The following PTTG1IP variants were observed in gnomAD, a reference collection of about 807,000 sequenced individuals.
The protein encoded by PTTG1IP is pituitary tumor-transforming gene 1 protein-interacting protein.
In PTTG1IP, 16 loss-of-function variants were observed where a neutral mutation model predicts 24.4. The ratio of observed to expected loss-of-function variants is 0.66; its 90% confidence interval spans 0.44 to 1.00. The LOEUF (loss-of-function observed/expected upper bound fraction) is 1.00, where lower values mean the gene tolerates loss of function less well. Among genes scored for constraint, PTTG1IP ranks in the 50% least tolerant of loss-of-function variants. PTTG1IP has a pLI of 0.00. For missense variants in PTTG1IP, 241 were observed against 245.8 expected (o/e 0.98, Z 0.13); for synonymous variants, 89 against 96.8 (o/e 0.92, Z 0.47).
chr21:44,854,960 G>A (rs369550415), intron 5 of PTTG1IP, among the ~76,000 whole-genome samples: 4 of 152,226 alleles, frequency 2.6e-5, no homozygotes, highest in Admixed American at 2.6e-4. Context: ...CTTGGGACTC[G>A]ATAAGCAAAC....
intron 5 of PTTG1IP, 131 bp downstream of exon 5, chr21:44,855,079 T>G: frequency 1.1e-6 from 1 of 948,162 alleles, no homozygotes; most frequent in South Asian, 1.5e-5. Context: ...TGCTCCTCTC[T>G]GGAGAGACGT....
At chr21:44,872,777 G>A (rs1196379748) in intron 1 of PTTG1IP, 1 of 152,348 alleles carries the variant, frequency 6.6e-6, no homozygotes, top group Non-Finnish European at 1.5e-5. Context: ...GCTCCTCTTG[G>A]ATAGGAGCTC....
chr21:44,868,578 T>C (rs2083560813), intron 1 of PTTG1IP, among the ~76,000 whole-genome samples: 1 of 152,126 alleles, frequency 6.6e-6, no homozygotes, highest in Non-Finnish European at 1.5e-5. Context: ...GAAGCCAGCC[T>C]GGAGGGAGTC....
chr21:44,863,334 C>T (rs2083509593), intron 2 of PTTG1IP, among the ~76,000 whole-genome samples: 1 of 82,182 alleles, frequency 1.2e-5, no homozygotes, highest in South Asian at 4.1e-4. Flanking sequence ...ATAGCCACTG[C>T]TCCAACACGC....
intron 3 of PTTG1IP, among the ~76,000 whole-genome samples, chr21:44,858,337 T>A (rs1157411087): frequency 6.6e-6 from 1 of 152,236 alleles, no homozygotes; most frequent in African/African-American, 2.4e-5. Flanking sequence ...GGGTATCATG[T>A]GCGCCGCGGC....
At chr21:44,851,795 C>T (rs866930027) in intron 5 of PTTG1IP, among the ~76,000 whole-genome samples, 168 bp from the exon 6 acceptor site, 3 of 152,190 alleles carry the variant, frequency 2.0e-5, no homozygotes, top group African/African-American at 7.2e-5. Context: ...AGTCAAACCA[C>T]TTTAAACTTT....
At chr21:44,867,583 C>T (rs1168151145) in intron 1 of PTTG1IP, among the ~76,000 whole-genome samples, 1 of 152,270 alleles carries the variant, frequency 6.6e-6, no homozygotes, top group Non-Finnish European at 1.5e-5. Flanking sequence ...AACTGCTGAA[C>T]TCTGGTCCCT....
At chr21:44,855,185 A>C (rs2146454493) in intron 5 of PTTG1IP, 25 bp downstream of exon 5, 2 of 1,596,746 alleles carry the variant, frequency 1.3e-6, no homozygotes, top group East Asian at 4.5e-5. Flanking sequence ...CAACCAGACA[A>C]AAAGGAGGCG....
At chr21:44,858,627 C>A (rs1394191976) in intron 3 of PTTG1IP, among the ~76,000 whole-genome samples, 1 of 152,204 alleles carries the variant, frequency 6.6e-6, no homozygotes, top group Admixed American at 6.5e-5. Flanking sequence ...TGTGGTGCCC[C>A]CTCCCCACTG....
At chr21:44,855,309 A>G (rs968378054) in intron 4 of PTTG1IP, 53 bp from the exon 5 acceptor site, 12 of 1,541,466 alleles carry the variant, frequency 7.8e-6, no homozygotes, top group Non-Finnish European at 1.1e-5. Flanking sequence ...CGGTGGTGTA[A>G]CTGCTAGACA....
intron 1 of PTTG1IP, among the ~76,000 whole-genome samples, chr21:44,868,051 G>A (rs2083556506): frequency 6.6e-6 from 1 of 152,200 alleles, no homozygotes; most frequent in Non-Finnish European, 1.5e-5. Context: ...TCGGTTTATG[G>A]AGAAGTTTCT....
At chr21:44,853,410 A>G (rs1362141858) in intron 5 of PTTG1IP, among the ~76,000 whole-genome samples, 2 of 151,006 alleles carry the variant, frequency 1.3e-5, no homozygotes, top group African/African-American at 4.9e-5. Context: ...CAGGAGGCTG[A>G]GGCAGAAGAA....
At position 44,850,160 on chromosome 21, in the gene PTTG1IP, A is replaced by C. The variant is rs984553087; in HGVS notation, c.*1421T>G. The C allele has an allele frequency of 1.3e-5, 2 of 152,250 alleles. No individual in the cohort carries two copies. Among genetic ancestry groups the C allele is most frequent in the Non-Finnish European group, 2.9e-5 (2 of 68,044 alleles). 9.4% of individuals were successfully genotyped at this position (152,250 alleles called of 1,614,324 possible). On this transcript the variant is annotated 3_prime_UTR_variant, in exon 6 of 6. Transcript: ENST00000330938. ...TGCCTGTGAACTTTAGTTCACGCTG[A>C]AGACAGTCTTCTCAGTTTTCATGAC...
chr21:44,865,279 A>T (rs539864036), intron 2 of PTTG1IP, 116 bp downstream of exon 2: 2 of 1,061,540 alleles, frequency 1.9e-6, no homozygotes, highest in East Asian at 4.9e-5. Flanking sequence ...CATCCCCCCA[A>T]ATCCCAAACA....
chr21:44,852,429 C>T (rs2083418340), intron 5 of PTTG1IP, among the ~76,000 whole-genome samples: 1 of 152,150 alleles, frequency 6.6e-6, no homozygotes, highest in Admixed American at 6.6e-5. Flanking sequence ...TGATCCACCA[C>T]CTTGGTCTCC....
At chr21:44,864,448 G>A (rs781453833) in intron 2 of PTTG1IP, among the ~76,000 whole-genome samples, 3 of 152,250 alleles carry the variant, frequency 2.0e-5, no homozygotes, top group Non-Finnish European at 2.9e-5. Context: ...CCAGGCTAGA[G>A]TGCAGTGGCA....
At chr21:44,853,690 T>C (rs952886677) in intron 5 of PTTG1IP, among the ~76,000 whole-genome samples, 1 of 151,792 alleles carries the variant, frequency 6.6e-6, no homozygotes, top group African/African-American at 2.4e-5. Context: ...CACACGCAGG[T>C]ACCCGGTCAC....
intron 2 of PTTG1IP, among the ~76,000 whole-genome samples, chr21:44,862,851 G>C (rs2083502600): frequency 1.3e-5 from 2 of 152,274 alleles, no homozygotes; most frequent in East Asian, 3.9e-4. Flanking sequence ...TTCCATTTCA[G>C]GGGTTTTGCT....
rs1268170760 is a variant in PTTG1IP at position 44,865,394 on chromosome 21, C to T, written c.168+1G>A. 12 of 1,613,994 alleles carry T rather than the reference C, an allele frequency of 7.4e-6. No homozygotes were observed. Among genetic ancestry groups the T allele is most frequent in the African/African-American group, 2.7e-5 (2 of 74,914 alleles). ...TGGTCTCTAGTCCACGTGCTACTTA[C>T]GGAGACGTTCTTCAGGCACTCTTCA... On this transcript the variant is annotated splice_donor_variant, in intron 2 of 5. Coordinates refer to ENST00000330938, the MANE Select transcript of PTTG1IP (RefSeq NM_004339.4). LOFTEE classifies it high-confidence loss of function.
Sources: allele counts gnomAD v4.1 joint callset (sites outside exome capture counted in the v4.1 genomes callset), GRCh38; gene constraint gnomAD v4.1.1; transcripts MANE v1.5; gene names NCBI Gene and HGNC (gene_info 2026-07-23, HGNC 2026-07-21).